GALNT9: variants seen among roughly 807,000 people sequenced by gnomAD.
GALNT9 encodes GalNAc transferase 9.
Under a neutral mutation model 63.1 loss-of-function variants are expected in GALNT9, and 47 were observed. That is an observed-to-expected ratio of 0.75 (90% confidence interval 0.59 to 0.95). The LOEUF (loss-of-function observed/expected upper bound fraction) is 0.95. Ranked by LOEUF, GALNT9 falls within the 40% of genes least tolerant of loss-of-function variation. The pLI is 0.00. For missense variants in GALNT9, 829 were observed against 874.8 expected (o/e 0.95, Z 0.66); for synonymous variants, 396 against 365.7 (o/e 1.08, Z -0.94).
At chr12:132,262,760 CATAGCTCATCT>C in intron 2 of GALNT9, 135 bp from the exon 3 acceptor site, 1 of 1,439,414 alleles carries the variant, frequency 6.9e-7, no homozygotes, top group Non-Finnish European at 9.1e-7. Context: ...CCCCAGGAGC[CATAGCTCATCT>C]GTCTGCACCT....
chr12:132,302,304 G>GT (rs1186488039), intron 1 of GALNT9, among the ~76,000 whole-genome samples: 1 of 150,724 alleles, frequency 6.6e-6, no homozygotes, highest in Non-Finnish European at 1.5e-5. Context: ...GGGAAAACTA[G>GT]TATCAGTATT....
Position 132,201,149 on chromosome 12 carries a change from T to C in GALNT9, c.1376A>G (p.Tyr459Cys). Residue 459 changes from tyrosine to cysteine, a missense_variant, in exon 8 of 11, where the codon TAC becomes TGC. By Grantham distance (194) the Tyr-to-Cys change is radical. Coordinates refer to ENST00000328957, the MANE Select transcript of GALNT9 (RefSeq NM_001122636.2). ...LENVYPEMRV[Y>C]NNTLTYGEVR... Reference sequence around the variant, plus strand: ...CTCTCCGTACGTGAGGGTGTTGTTGTAGACCCTCATCTCCGGGTACACGTT... The same window carrying C: ...CTCTCCGTACGTGAGGGTGTTGTTGCAGACCCTCATCTCCGGGTACACGTT... 1.9e-6 allele frequency: 3 copies of C among 1,613,342 alleles called. No individual in the cohort carries two copies. The Admixed American group carries it at 5.0e-5, about 27-fold the overall frequency.
At chr12:132,199,541 AGGCTGTG>A (rs1424894699) in intron 8 of GALNT9, among the ~76,000 whole-genome samples, 2 of 152,150 alleles carry the variant, frequency 1.3e-5, no homozygotes, top group Admixed American at 1.3e-4. Context: ...CGACGGCCCC[AGGCTGTG>A]GAGTGGCTTC....
At chr12:132,221,691 G>C (rs1877459527) in intron 6 of GALNT9, among the ~76,000 whole-genome samples, 1 of 138,484 alleles carries the variant, frequency 7.2e-6, no homozygotes, top group Admixed American at 7.4e-5. Flanking sequence ...AAGCAAGCCT[G>C]AGATGGACAA....
At chr12:132,308,048 A>C (rs1156871091) in intron 1 of GALNT9, among the ~76,000 whole-genome samples, 25 of 150,712 alleles carry the variant, frequency 1.7e-4, no homozygotes, top group African/African-American at 5.8e-4. Context: ...AAAAAAAAAA[A>C]CAAAAAAACA....
intron 7 of GALNT9, among the ~76,000 whole-genome samples, chr12:132,201,970 CA>C (rs1876173015): frequency 6.6e-6 from 1 of 152,226 alleles, no homozygotes; most frequent in East Asian, 1.9e-4. Context: ...GCACCCTGCC[CA>C]GGGACCCTCC....
intron 2 of GALNT9, among the ~76,000 whole-genome samples, chr12:132,270,514 G>C (rs1879825342): frequency 6.6e-6 from 1 of 152,246 alleles, no homozygotes; most frequent in East Asian, 1.9e-4. Flanking sequence ...TCACGCGTTA[G>C]CTCTTGCGTA....
intron 6 of GALNT9, among the ~76,000 whole-genome samples, chr12:132,243,825 C>G (rs2136905997): frequency 2.9e-4 from 44 of 152,308 alleles, no homozygotes; most frequent in Middle Eastern, 6.8e-3. Context: ...TCCCAGCCCA[C>G]CCGTCAATCA....
rs553700377 is a variant in GALNT9 at position 132,267,939 on chromosome 12, ACG to A, written c.420-5316_420-5315del. On this transcript the variant is annotated intron_variant, in intron 2 of 10. Transcript: ENST00000328957. ...TGCACTCACACACATGCACACACAC[ACG>A]CACTCACATACAGTCACACACATGC... Among the ~76,000 whole-genome samples the A allele has an allele frequency of 1.3e-3, 194 of 149,794 alleles. 3 individuals carry two copies. In the South Asian group the frequency reaches 0.037, roughly 28 times the overall value.
chr12:132,277,049 A>T (rs1338222613), intron 2 of GALNT9, among the ~76,000 whole-genome samples: 3 of 151,740 alleles, frequency 2.0e-5, no homozygotes, highest in Non-Finnish European at 2.9e-5. Flanking sequence ...ACACACACAC[A>T]CTCTCCTACA....
chr12:132,215,581 C>G (rs1038580761), intron 6 of GALNT9, among the ~76,000 whole-genome samples: 1 of 152,244 alleles, frequency 6.6e-6, no homozygotes, highest in Admixed American at 6.5e-5. Flanking sequence ...TAGCGTGGCC[C>G]AGGGTCCACT....
In GALNT9 at chr12:132,308,836, G is replaced by A. The variant is rs577294737; in HGVS notation, c.238+20130C>T. 5.9e-5 allele frequency among the ~76,000 whole-genome samples: 9 copies of A among 151,876 alleles called. No homozygotes were observed. In the South Asian group the frequency reaches 6.3e-4, roughly 11 times the overall value. ...CCGGCCGTCCTCACACCTCACCCAC[G>A]GGGCTCGGGATGGCCGCACTCACGC... On this transcript the variant is annotated intron_variant, in intron 1 of 10. Coordinates refer to ENST00000328957, the MANE Select transcript of GALNT9 (RefSeq NM_001122636.2).
chr12:132,290,267 C>T (rs1187348599), intron 1 of GALNT9, among the ~76,000 whole-genome samples: 1 of 152,144 alleles, frequency 6.6e-6, no homozygotes, highest in Non-Finnish European at 1.5e-5. Flanking sequence ...ACAGAGCCCC[C>T]ATCATGACTG....
chr12:132,290,874 G>A (rs1254734975), intron 1 of GALNT9, among the ~76,000 whole-genome samples: 5 of 31,038 alleles, frequency 1.6e-4, no homozygotes, highest in African/African-American at 9.9e-4. Context: ...CAGCGCCCAC[G>A]TCCACATCAC....
Position 132,313,502 on chromosome 12 carries a change from TCACC to T in GALNT9, c.238+15460_238+15463del, listed in dbSNP as rs1188138141. On this transcript the variant is annotated intron_variant, in intron 1 of 10. Coordinates refer to ENST00000328957, the MANE Select transcript of GALNT9 (RefSeq NM_001122636.2). ...CTAATCCATCCAGCCATCCATCCAT[TCACC>T]CACCCACCCATCCACTTACCCACCC... Among the ~76,000 whole-genome samples, 58 of 67,948 alleles carry T rather than the reference TCACC, an allele frequency of 8.5e-4. 1 individual carries two copies. Among genetic ancestry groups the T allele is most frequent in the African/African-American group, 3.4e-3 (56 of 16,526 alleles). 44.6% of individuals were successfully genotyped at this position (67,948 alleles called of 152,430 possible). A position where few individuals can be genotyped will look rare whatever the true frequency, so the allele number is the denominator to read the frequency against.
intron 1 of GALNT9, among the ~76,000 whole-genome samples, chr12:132,295,957 C>T (rs868908776): frequency 9.7e-5 from 11 of 113,926 alleles, no homozygotes; most frequent in Admixed American, 2.7e-4. Flanking sequence ...CGAACAGGGA[C>T]GGCCTCCGGA....
At position 132,220,473 on chromosome 12, in the gene GALNT9, C is replaced by T. The variant is rs960653523; in HGVS notation, c.1078-16783G>A. 2.6e-5 allele frequency among the ~76,000 whole-genome samples: 4 copies of T among 152,244 alleles called. No individual in the cohort carries two copies. The East Asian group carries it at 5.8e-4, about 22-fold the overall frequency. On this transcript the variant is annotated intron_variant, in intron 6 of 10. Transcript: ENST00000328957. The stretch of plus-strand genomic sequence containing the variant: ...GATCAAAACAACTATAAAAAAAGAA[C>T]CAGATATGAAAAATACCCATGGAAG...
intron 9 of GALNT9, among the ~76,000 whole-genome samples, 186 bp from the exon 10 acceptor site, chr12:132,198,145 G>A (rs561423433): frequency 1.4e-3 from 212 of 152,348 alleles, no homozygotes; most frequent in African/African-American, 3.6e-3. Context: ...GTGGGGATGC[G>A]GGCTGGACGG....
In GALNT9 at chr12:132,319,680, C is replaced by T. The variant is rs1868690137; in HGVS notation, c.238+9286G>A. Among the ~76,000 whole-genome samples the T allele has an allele frequency of 6.6e-6, 1 of 152,178 alleles. No individual in the cohort carries two copies. Among genetic ancestry groups the T allele is most frequent in the Non-Finnish European group, 1.5e-5 (1 of 68,022 alleles). ...ACAGGCCTTTCCGTCTGGGGCAGGT[C>T]AACACCCCACTCCGCCACACACACA... On this transcript the variant is annotated intron_variant, in intron 1 of 10. Coordinates refer to ENST00000328957, the MANE Select transcript of GALNT9 (RefSeq NM_001122636.2). This position sits in a 1 kb window ranked among gnomAD's most constrained non-coding sequence, Gnocchi z 5.2.
Sources: gnomAD v4.1 joint callset for allele counts (sites outside exome capture counted in the v4.1 genomes callset) on GRCh38, gnomAD v4.1.1 for gene constraint, Gnocchi (gnomAD v3.1) non-coding constraint, MANE v1.5 for transcripts, NCBI Gene and HGNC (gene_info 2026-07-23, HGNC 2026-07-21) for gene names.